The following SLC9C2 variants were observed in gnomAD, a reference collection of about 807,000 sequenced individuals.
The protein encoded by SLC9C2 is solute carrier family 9 member C2 (putative).
In SLC9C2, 75 loss-of-function variants were observed where a neutral mutation model predicts 140.2. The ratio of observed to expected loss-of-function variants is 0.53; its 90% CI spans 0.44 to 0.65. The LOEUF (loss-of-function observed/expected upper bound fraction) is 0.65, where lower values mean the gene tolerates loss of function less well. Ranked by LOEUF, SLC9C2 falls within the 30% of genes least tolerant of loss-of-function variation. The pLI is 0.00. For missense variants in SLC9C2, 1,074 were observed against 1,331.8 expected (o/e 0.81, Z 3.01); for synonymous variants, 375 against 420.9 (o/e 0.89, Z 1.34).
At chr1:173,585,883 G>A (rs553165511) in intron 5 of SLC9C2, among the ~76,000 whole-genome samples, 7 of 151,988 alleles carry the variant, frequency 4.6e-5, no homozygotes, top group African/African-American at 9.7e-5. Context: ...CAGGAGAATC[G>A]CTTAAACCCA....
chr1:173,538,233 T>C (rs1662114718), intron 13 of SLC9C2, among the ~76,000 whole-genome samples: 1 of 152,196 alleles, frequency 6.6e-6, no homozygotes, highest in Admixed American at 6.5e-5. Flanking sequence ...TGGATTTCCC[T>C]ACGTTGTAAG....
intron 14 of SLC9C2, among the ~76,000 whole-genome samples, chr1:173,536,395 C>T (rs1033055507): frequency 3.3e-5 from 5 of 152,178 alleles, no homozygotes; most frequent in Non-Finnish European, 5.9e-5. Flanking sequence ...TGTGTTAGAT[C>T]ATCTATTATC....
chr1:173,583,852 GTTCA>G (rs1036433073), intron 5 of SLC9C2, among the ~76,000 whole-genome samples: 2 of 152,150 alleles, frequency 1.3e-5, no homozygotes, highest in Non-Finnish European at 1.5e-5. Flanking sequence ...TGCTTGTATT[GTTCA>G]TTGTCTCAAC....
At chr1:173,533,916 T>A in intron 16 of SLC9C2, 119 bp from the exon 17 acceptor site, 1 of 1,142,716 alleles carries the variant, frequency 8.8e-7, no homozygotes, top group Non-Finnish European at 1.2e-6. Context: ...AAAGTTGAGC[T>A]TTAAGTTATT....
chr1:173,595,986 TAC>T (rs1558100712), intron 4 of SLC9C2, among the ~76,000 whole-genome samples: 1 of 152,186 alleles, frequency 6.6e-6, no homozygotes, highest in Non-Finnish European at 1.5e-5. Flanking sequence ...TCTCCAGACC[TAC>T]AGTTTTGCCA....
In SLC9C2 at chr1:173,520,859, T is replaced by C. The variant is rs144029348; in HGVS notation, c.2739+442A>G. Among the ~76,000 whole-genome samples the C allele has an allele frequency of 2.2e-3, 329 of 152,334 alleles. 1 individual carries two copies. Among genetic ancestry groups the C allele is most frequent in the Admixed American group, 5.0e-3 (76 of 15,304 alleles). ...CATGAAACCAGCTACTAAACTACTGTTATGCAGATACAAAGGATTCTTGTC... is the reference window on the plus strand; with the variant it reads ...CATGAAACCAGCTACTAAACTACTGCTATGCAGATACAAAGGATTCTTGTC... On this transcript the variant is annotated intron_variant, in intron 22 of 27. Coordinates refer to ENST00000367714, the MANE Select transcript of SLC9C2 (RefSeq NM_178527.4).
chr1:173,536,005 G>A lies in SLC9C2; in HGVS notation c.1656-56C>T, dbSNP rs1461020. On this transcript the variant is annotated intron_variant, in intron 14 of 27. Transcript: ENST00000367714. Reference sequence around the variant, plus strand: ...AATAAAAAGCAAGTGCTATACTTTGGGTTAATATAAAAGGGGAAGGTGTAC... The same window carrying A: ...AATAAAAAGCAAGTGCTATACTTTGAGTTAATATAAAAGGGGAAGGTGTAC... 408 of 1,417,516 alleles carry A rather than the reference G, an allele frequency of 2.9e-4. 1 individual carries two copies. The African/African-American group carries it at 5.3e-3, about 18-fold the overall frequency. The allele number at this position is 1,417,516 out of a possible 1,614,324, so 87.8% of individuals were successfully genotyped here.
At chr1:173,535,723 C>A in intron 15 of SLC9C2, 107 bp downstream of exon 15, 2 of 1,286,250 alleles carry the variant, frequency 1.6e-6, no homozygotes, top group Non-Finnish European at 1.0e-6. Context: ...GAAAATAAAC[C>A]ATAATATAGT....
At chr1:173,544,338 C>T (rs1012952116) in intron 13 of SLC9C2, among the ~76,000 whole-genome samples, 1 of 152,076 alleles carries the variant, frequency 6.6e-6, no homozygotes, top group Non-Finnish European at 1.5e-5. Flanking sequence ...GAATGGTGAT[C>T]ATTAAAAAGT....
chr1:173,550,462 AGG>A lies in SLC9C2; in HGVS notation c.1298-1912_1298-1911del, dbSNP rs1238091906. Among the ~76,000 whole-genome samples the A allele has an allele frequency of 3.6e-5, 5 of 136,996 alleles. No individual in the cohort carries two copies. In the East Asian group the frequency reaches 1.0e-3, roughly 28 times the overall value. 89.9% of individuals were successfully genotyped at this position (136,996 alleles called of 152,430 possible). ...TTTATTTATTTATTTATTTTTGAGG[AGG>A]AGTTTCACTCTGTCGCCAGGCTGGA... On this transcript the variant is annotated intron_variant, in intron 11 of 27. Transcript: ENST00000367714.
chr1:173,512,568 T>C (rs1181782439), intron 23 of SLC9C2, among the ~76,000 whole-genome samples: 1 of 152,220 alleles, frequency 6.6e-6, no homozygotes, highest in Non-Finnish European at 1.5e-5. Context: ...ACAATGGGGT[T>C]TTCTAAATAT....
At chr1:173,561,272 G>C (rs1024417823) in intron 9 of SLC9C2, among the ~76,000 whole-genome samples, 1 of 152,126 alleles carries the variant, frequency 6.6e-6, no homozygotes, top group Admixed American at 6.5e-5. Context: ...GTATTCACAC[G>C]GTCACTCCTT....
Position 173,520,178 on chromosome 1 carries a change from A to G in SLC9C2, c.2739+1123T>C, listed in dbSNP as rs540009144. ...TGCAGTGGCAGGATCTCGGATTCTC[A>G]TGTCTCAGCCTCCTGAGTAGCTGGG... On this transcript the variant is annotated intron_variant, in intron 22 of 27. Coordinates refer to ENST00000367714, the MANE Select transcript of SLC9C2 (RefSeq NM_178527.4). Among the ~76,000 whole-genome samples the G allele has an allele frequency of 5.9e-5, 9 of 152,118 alleles. No homozygotes were observed. The South Asian group carries it at 1.9e-3, about 32-fold the overall frequency.
intron 3 of SLC9C2, among the ~76,000 whole-genome samples, chr1:173,599,031 C>T (rs1366267025): frequency 6.6e-6 from 1 of 152,190 alleles, no homozygotes; most frequent in Admixed American, 6.5e-5. Flanking sequence ...TTATATGAAG[C>T]TATGAAGTGT....
In SLC9C2 at chr1:173,602,744, G is replaced by A. The variant is rs192435530; in HGVS notation, c.-80+7C>T. On this transcript the variant is annotated splice_region_variant and intron_variant, in intron 1 of 27. Coordinates refer to ENST00000367714, the MANE Select transcript of SLC9C2 (RefSeq NM_178527.4). ...CTCAAGTATCTCCAATAATATTTAA[G>A]GCTTACCTTTGGTCCTTTGTTTTGC... 1.3e-5 allele frequency: 2 copies of A among 152,230 alleles called. No individual in the cohort carries two copies. Among genetic ancestry groups the A allele is most frequent in the East Asian group, 3.9e-4 (2 of 5,172 alleles). 9.4% of individuals were successfully genotyped at this position (152,230 alleles called of 1,614,324 possible).
intron 13 of SLC9C2, among the ~76,000 whole-genome samples, chr1:173,545,290 A>G (rs2102045541): frequency 6.6e-6 from 1 of 152,358 alleles, no homozygotes; most frequent in South Asian, 2.1e-4. Context: ...TTGGACAAAA[A>G]GGGACGGAGA....
At chr1:173,566,549 T>C (rs1664485071) in intron 9 of SLC9C2, among the ~76,000 whole-genome samples, 1 of 152,128 alleles carries the variant, frequency 6.6e-6, no homozygotes, top group African/African-American at 2.4e-5. Context: ...TCTCTGATTC[T>C]ATTTATTTGG....
chr1:173,580,493 A>G (rs1278408099), intron 7 of SLC9C2, among the ~76,000 whole-genome samples: 1 of 152,076 alleles, frequency 6.6e-6, no homozygotes, highest in Non-Finnish European at 1.5e-5. Flanking sequence ...CTGGAATTAC[A>G]GGCGTGCGCC....
chr1:173,521,234 T>G, intron 22 of SLC9C2, 67 bp downstream of exon 22: 1 of 903,616 alleles, frequency 1.1e-6, no homozygotes, highest in Admixed American at 3.4e-5. Context: ...TTTATTCTTA[T>G]TCTACAATTA....
Sources: allele counts gnomAD v4.1 joint callset (sites outside exome capture counted in the v4.1 genomes callset), GRCh38; gene constraint gnomAD v4.1.1; transcripts MANE v1.5; gene names NCBI Gene and HGNC (gene_info 2026-07-23, HGNC 2026-07-21).